NEO1: variants seen among roughly 807,000 people sequenced by gnomAD.
NEO1 encodes the protein neogenin.
Under a neutral mutation model 159.7 loss-of-function variants are expected in NEO1, and 63 were observed. The observed-to-expected ratio is 0.39, with a 90% CI of 0.32 to 0.49. NEO1 has a LOEUF of 0.49. Among genes scored for constraint, NEO1 ranks in the 20% least tolerant of loss-of-function variants. NEO1 has a pLI of 0.85. For missense variants in NEO1, 1,615 were observed against 1,831.0 expected (o/e 0.88, Z 2.15); for synonymous variants, 633 against 662.0 (o/e 0.96, Z 0.67).
chr15:73,215,662 T>C (rs1412860895), intron 7 of NEO1, among the ~76,000 whole-genome samples: 1 of 152,232 alleles, frequency 6.6e-6, no homozygotes, highest in Non-Finnish European at 1.5e-5. Flanking sequence ...ATCTTTTTGA[T>C]AAATTGTTGG....
At chr15:73,301,539 C>A in intron 28 of NEO1, 82 bp downstream of exon 28, 1 of 1,578,916 alleles carries the variant, frequency 6.3e-7, no homozygotes, top group Non-Finnish European at 8.6e-7. Context: ...AGCTGATAAT[C>A]TGTGCATACC....
chr15:73,116,268 C>A (rs978309663), intron 1 of NEO1, among the ~76,000 whole-genome samples: 1 of 152,016 alleles, frequency 6.6e-6, no homozygotes, highest in Non-Finnish European at 1.5e-5. Context: ...TGAAATAAAA[C>A]TTTTATTAGA....
chr15:73,062,732 T>TAAAGTGG (rs1403701444), intron 1 of NEO1, among the ~76,000 whole-genome samples: 1 of 152,210 alleles, frequency 6.6e-6, no homozygotes, highest in Non-Finnish European at 1.5e-5. Flanking sequence ...TGTGGTGATT[T>TAAAGTGG]AAAGTGGAAA....
At chr15:73,200,643 A>G (rs368598781) in intron 7 of NEO1, among the ~76,000 whole-genome samples, 3 of 149,712 alleles carry the variant, frequency 2.0e-5, no homozygotes, top group Admixed American at 6.6e-5. Flanking sequence ...CTAAGCGGGC[A>G]TAGAGTTGTT....
chr15:73,158,611 A>C (rs2033953287), intron 5 of NEO1, among the ~76,000 whole-genome samples: 1 of 152,128 alleles, frequency 6.6e-6, no homozygotes, highest in South Asian at 2.1e-4. Flanking sequence ...GCTGGTCTTG[A>C]AATCCTGGCC....
chr15:73,254,533 G>A (rs1203382527), intron 12 of NEO1, 149 bp from the exon 13 acceptor site: 1 of 708,288 alleles, frequency 1.4e-6, no homozygotes. Flanking sequence ...GTATTTTTGA[G>A]TGATTATTAA....
intron 7 of NEO1, among the ~76,000 whole-genome samples, chr15:73,210,823 A>C (rs2037514925): frequency 6.6e-6 from 1 of 152,196 alleles, no homozygotes; most frequent in African/African-American, 2.4e-5. Flanking sequence ...TCTGTTTAGA[A>C]AGTCAGCCCC....
At chr15:73,252,654 T>C (rs191257440) in intron 11 of NEO1, among the ~76,000 whole-genome samples, 1 of 152,310 alleles carries the variant, frequency 6.6e-6, no homozygotes, top group East Asian at 1.9e-4. Flanking sequence ...CCATATTCCT[T>C]AGACCTGGTT....
intron 14 of NEO1, among the ~76,000 whole-genome samples, chr15:73,259,820 G>A (rs1665383349): frequency 6.6e-6 from 1 of 152,180 alleles, no homozygotes; most frequent in African/African-American, 2.4e-5. Context: ...ACTTAGGGGA[G>A]TAAATAATTG....
chr15:73,179,749 T>C (rs1180317582), intron 7 of NEO1, among the ~76,000 whole-genome samples: 1 of 152,182 alleles, frequency 6.6e-6, no homozygotes, highest in East Asian at 1.9e-4. Flanking sequence ...TCCTACCACC[T>C]GGGTACACTG....
intron 21 of NEO1, among the ~76,000 whole-genome samples, chr15:73,276,229 T>C (rs902563025): frequency 6.6e-6 from 1 of 152,258 alleles, no homozygotes; most frequent in Non-Finnish European, 1.5e-5. Flanking sequence ...ATCCTTGGAA[T>C]TTCTTGTTCA....
intron 8 of NEO1, among the ~76,000 whole-genome samples, chr15:73,237,319 A>C (rs1678247): frequency 0.85 from 129,101 of 152,178 alleles, 56,176 homozygotes; most frequent in Non-Finnish European, 0.94. Context: ...AATATGTGAT[A>C]TTTTACTACC....
chr15:73,281,587 G>A (rs896771175), intron 22 of NEO1, among the ~76,000 whole-genome samples: 3 of 152,104 alleles, frequency 2.0e-5, no homozygotes, highest in South Asian at 2.1e-4. Context: ...CACATTCCAG[G>A]CCATACTTTG....
intron 26 of NEO1, among the ~76,000 whole-genome samples, chr15:73,295,512 ATC>A (rs1162868270): frequency 6.6e-6 from 1 of 151,344 alleles, no homozygotes; most frequent in Non-Finnish European, 1.5e-5. Flanking sequence ...CTCCCTTGTG[ATC>A]TAGTATTGGT....
intron 5 of NEO1, among the ~76,000 whole-genome samples, chr15:73,148,841 G>A (rs1204489200): frequency 6.6e-6 from 1 of 151,146 alleles, no homozygotes; most frequent in Non-Finnish European, 1.5e-5. Flanking sequence ...TCATATCAGT[G>A]GTTTTCAAAC....
chr15:73,288,142 G>A (rs1261374985), intron 23 of NEO1, among the ~76,000 whole-genome samples, 171 bp from the exon 24 acceptor site: 2 of 152,088 alleles, frequency 1.3e-5, no homozygotes, highest in Admixed American at 1.3e-4. Flanking sequence ...CTCTCCCCAG[G>A]AGCAAACTTG....
intron 7 of NEO1, among the ~76,000 whole-genome samples, chr15:73,215,892 A>G (rs2037850230): frequency 1.3e-5 from 2 of 152,010 alleles, no homozygotes; most frequent in East Asian, 1.9e-4. Flanking sequence ...ATAGAATTCT[A>G]CTGTGAAATC....
At chr15:73,125,500 G>A (rs112860415) in intron 3 of NEO1, among the ~76,000 whole-genome samples, 60 of 152,286 alleles carry the variant, frequency 3.9e-4, no homozygotes, top group Non-Finnish European at 8.4e-4. Context: ...GTCATTAATT[G>A]GTTAGACAAG....
At chr15:73,286,496 C>T (rs1483554959) in intron 23 of NEO1, among the ~76,000 whole-genome samples, 1 of 152,186 alleles carries the variant, frequency 6.6e-6, no homozygotes, top group African/African-American at 2.4e-5. Context: ...CTTCTGTGTT[C>T]TCCCCAAGTG....
Sources: allele counts gnomAD v4.1 joint callset (sites outside exome capture counted in the v4.1 genomes callset), GRCh38; gene constraint gnomAD v4.1.1; transcripts MANE v1.5; gene names NCBI Gene and HGNC (gene_info 2026-07-23, HGNC 2026-07-21).